The following KANK1 variants were observed in gnomAD, a reference collection of about 807,000 sequenced individuals.
The protein encoded by KANK1 is KN motif and ankyrin repeat domains 1.
A neutral mutation model predicts 106.2 loss-of-function variants in KANK1; 109 were observed. That is an observed-to-expected ratio of 1.03 (90% CI 0.88 to 1.20). The LOEUF (loss-of-function observed/expected upper bound fraction) is 1.20, where lower values mean the gene tolerates loss of function less well. KANK1 is among the 50% of genes most tolerant of loss of function. KANK1 has a pLI of 0.00. For synonymous variants in KANK1, 873 were observed against 652.2 expected (o/e 1.34, Z -5.16); for missense variants, 2,399 against 1,710.7 (o/e 1.40, Z -7.10).
In KANK1 at chr9:711,267, G is replaced by A. The variant is rs1197772766; in HGVS notation, c.501G>A (p.Gln167=). 9 of 1,614,152 alleles carry A rather than the reference G, an allele frequency of 5.6e-6. No individual in the cohort carries two copies. The highest frequency in any genetic ancestry group is 1.6e-4 in the Middle Eastern group (1 of 6,062). ...TGGAGACCCGGAGAAGACTGGAACA[G>A]GAGAGAGCCACCATGCAGATGACAC... is the stretch of plus-strand genomic sequence containing the variant. ...TLMETRRRLE[Q]ERATMQMTPG... Residue 167 remains glutamine (Q), a synonymous_variant, in exon 3 of 12, where the codon CAG becomes CAA. Transcript: ENST00000382297.
intron 1 of KANK1, among the ~76,000 whole-genome samples, chr9:538,723 G>C (rs2060434064): frequency 1.3e-5 from 2 of 152,174 alleles, no homozygotes; most frequent in African/African-American, 4.8e-5. Flanking sequence ...TCTCTGATTG[G>C]ATCAGAGCCT....
intron 2 of KANK1, chr9:707,143 C>T (rs962850336): frequency 1.8e-5 from 18 of 985,476 alleles, no homozygotes; most frequent in African/African-American, 7.0e-5. Context: ...TGAAACTTCT[C>T]CTCACGGGGT....
chr9:596,201 G>A (rs932358738), intron 1 of KANK1, among the ~76,000 whole-genome samples: 1 of 151,824 alleles, frequency 6.6e-6, no homozygotes, highest in South Asian at 2.1e-4. Flanking sequence ...CATTCAAAAA[G>A]TGTTGGATTT....
At chr9:477,329 T>C (rs930938656) in intron 3 of KANK1, among the ~76,000 whole-genome samples, 4 of 151,830 alleles carry the variant, frequency 2.6e-5, no homozygotes, top group African/African-American at 9.7e-5. Flanking sequence ...AAGATCTAGC[T>C]TTTGATTTCC....
chr9:667,576 C>G lies in KANK1; in HGVS notation c.-83-9314C>G, dbSNP rs1588723650. 4.6e-5 allele frequency among the ~76,000 whole-genome samples: 7 copies of G among 152,060 alleles called. No homozygotes were observed. In the South Asian group the frequency reaches 1.5e-3, roughly 32 times the overall value. On this transcript the variant is annotated intron_variant, in intron 1 of 11. Transcript: ENST00000382297. ...GATGTTTATTGCTATAAACCTCCCT[C>G]TTAGTACTGTGTTTACTGTATCCCA...
chr9:727,609 C>G (rs934857946), intron 3 of KANK1, among the ~76,000 whole-genome samples: 5 of 152,096 alleles, frequency 3.3e-5, no homozygotes, highest in Non-Finnish European at 1.5e-5. Flanking sequence ...AGCCACCACG[C>G]CCAGGCTAAT....
intron 1 of KANK1, among the ~76,000 whole-genome samples, chr9:666,285 A>C (rs534651771): frequency 6.6e-6 from 1 of 152,308 alleles, no homozygotes; most frequent in Non-Finnish European, 1.5e-5. Context: ...GTATATATAA[A>C]TGCTACTGAA....
intron 1 of KANK1, among the ~76,000 whole-genome samples, chr9:672,994 G>C (rs1485873781): frequency 6.6e-6 from 1 of 152,120 alleles, no homozygotes; most frequent in Non-Finnish European, 1.5e-5. Flanking sequence ...TTATTGATCT[G>C]TAACACAGGA....
intron 1 of KANK1, among the ~76,000 whole-genome samples, chr9:641,751 G>T (rs16921587): frequency 6.6e-6 from 1 of 152,030 alleles, no homozygotes; most frequent in African/African-American, 2.4e-5. Flanking sequence ...TTAACCTTCA[G>T]CTACCAGCTT....
intron 1 of KANK1, among the ~76,000 whole-genome samples, chr9:575,255 C>G (rs139086689): frequency 6.6e-6 from 1 of 152,348 alleles, no homozygotes; most frequent in African/African-American, 2.4e-5. Flanking sequence ...ATAAGCTCCA[C>G]TTATATCTGT....
At chr9:724,421 C>G (rs1433271289) in intron 3 of KANK1, among the ~76,000 whole-genome samples, 2 of 152,052 alleles carry the variant, frequency 1.3e-5, no homozygotes, top group East Asian at 3.8e-4. Context: ...CAATAATAGT[C>G]AAAACTATCA....
intron 1 of KANK1, among the ~76,000 whole-genome samples, chr9:649,123 TG>T (rs1840343136): frequency 6.6e-6 from 1 of 152,166 alleles, no homozygotes; most frequent in Admixed American, 6.5e-5. Flanking sequence ...TTAAGTCTCC[TG>T]GCATATAAGG....
At chr9:722,335 C>T (rs138365142) in intron 3 of KANK1, among the ~76,000 whole-genome samples, 2 of 152,272 alleles carry the variant, frequency 1.3e-5, no homozygotes, top group East Asian at 1.9e-4. Context: ...CTCTCTGTCT[C>T]TCTGTCTGTC....
At chr9:582,884 C>A (rs1157215413) in intron 1 of KANK1, among the ~76,000 whole-genome samples, 1 of 152,154 alleles carries the variant, frequency 6.6e-6, no homozygotes, top group Non-Finnish European at 1.5e-5. Flanking sequence ...ACATATAAGC[C>A]GGTGAAGAAC....
chr9:706,718 A>G (rs1316568140), intron 2 of KANK1: 1 of 927,468 alleles, frequency 1.1e-6, no homozygotes, highest in African/African-American at 1.8e-5. Flanking sequence ...GCCACGTGTC[A>G]TAAGCCCAGG....
At position 616,418 on chromosome 9, in the gene KANK1, T is replaced by G. The variant is rs563157391; in HGVS notation, c.-83-60472T>G. Among the ~76,000 whole-genome samples the G allele has an allele frequency of 5.3e-5, 8 of 152,344 alleles. No homozygotes were observed. In the South Asian group the frequency reaches 1.2e-3, roughly 24 times the overall value. ...ATTACCATCAAACTGCATAGCCAGATCTTTAATTTACGAAACCTCTATTTT... is the reference window on the plus strand; with the variant it reads ...ATTACCATCAAACTGCATAGCCAGAGCTTTAATTTACGAAACCTCTATTTT... On this transcript the variant is annotated intron_variant, in intron 1 of 11. Transcript: ENST00000382297.
chr9:735,671 A>G (rs552337090), intron 7 of KANK1: 5 of 359,568 alleles, frequency 1.4e-5, no homozygotes, highest in Middle Eastern at 7.5e-4. Flanking sequence ...AAATTCTGCC[A>G]TATATTTTAA....
intron 3 of KANK1, among the ~76,000 whole-genome samples, chr9:493,009 C>T (rs1361011012): frequency 9.9e-6 from 1 of 100,844 alleles, no homozygotes; most frequent in African/African-American, 3.8e-5. Context: ...GGGCGGTCAA[C>T]AAGAACAAAA....
chr9:610,359 C>G (rs539084629), intron 1 of KANK1, among the ~76,000 whole-genome samples: 1 of 151,416 alleles, frequency 6.6e-6, no homozygotes, highest in Admixed American at 6.5e-5. Flanking sequence ...AGACCTTAAG[C>G]AAATGTTATA....
Sources: allele counts gnomAD v4.1 joint callset (sites outside exome capture counted in the v4.1 genomes callset), GRCh38; gene constraint gnomAD v4.1.1; transcripts MANE v1.5; gene names NCBI Gene and HGNC (gene_info 2026-07-23, HGNC 2026-07-21).